LGSN: variants seen among roughly 807,000 people sequenced by gnomAD.
LGSN encodes lengsin, lens protein with glutamine synthetase domain, also known as lengsin.
A neutral mutation model predicts 19.5 loss-of-function variants in LGSN; 21 were observed. The observed-to-expected ratio is 1.07, with a 90% CI of 0.76 to 1.55. The LOEUF (loss-of-function observed/expected upper bound fraction) is 1.55. LGSN is among the 40% of genes most tolerant of loss of function. The pLI is 0.00. For synonymous variants in LGSN, 257 were observed against 215.6 expected (o/e 1.19, Z -1.68); for missense variants, 673 against 608.5 (o/e 1.11, Z -1.12).
the LGSN span, among the ~76,000 whole-genome samples, chr6:63,464,421 C>A: frequency 2.0e-5 from 3 of 151,750 alleles, no homozygotes; most frequent in East Asian, 1.9e-4. Flanking sequence ...TCAACTCATT[C>A]ATTCCTTCAA....
chr6:63,363,325 C>A, the LGSN span, among the ~76,000 whole-genome samples: 1 of 152,202 alleles, frequency 6.6e-6, no homozygotes, highest in Non-Finnish European at 1.5e-5. Flanking sequence ...TCACCAGCAA[C>A]AGAACAAAGC....
the LGSN span, among the ~76,000 whole-genome samples, chr6:63,362,168 T>C: frequency 6.6e-6 from 1 of 152,138 alleles, no homozygotes; most frequent in Non-Finnish European, 1.5e-5. Context: ...CAGTTAACTT[T>C]TTAAATATAT....
chr6:63,447,364 G>C, the LGSN span, among the ~76,000 whole-genome samples: 1 of 152,222 alleles, frequency 6.6e-6, no homozygotes, highest in Non-Finnish European at 1.5e-5. Flanking sequence ...GTTGCCAGAA[G>C]TCTGACTGCC....
the LGSN span, among the ~76,000 whole-genome samples, chr6:63,455,368 A>G: frequency 6.6e-6 from 1 of 152,234 alleles, no homozygotes; most frequent in African/African-American, 2.4e-5. Flanking sequence ...TTGTGATACA[A>G]AGAACAATGC....
intron 1 of LGSN, among the ~76,000 whole-genome samples, chr6:63,316,072 T>C (rs1485064939): frequency 1.3e-5 from 2 of 152,252 alleles, no homozygotes; most frequent in South Asian, 4.1e-4. Flanking sequence ...AGCACATTTG[T>C]GGGGAGATTA....
the LGSN span, among the ~76,000 whole-genome samples, chr6:63,505,847 A>T: frequency 1.3e-5 from 2 of 151,900 alleles, no homozygotes; most frequent in African/African-American, 4.8e-5. Context: ...TTTAGTCAAG[A>T]CAGGGTTTCA....
the LGSN span, among the ~76,000 whole-genome samples, chr6:63,481,329 C>G: frequency 6.7e-6 from 1 of 150,330 alleles, no homozygotes; most frequent in Non-Finnish European, 1.5e-5. Flanking sequence ...GCAACAAAAA[C>G]CACTTGTACC....
At chr6:63,326,728 C>G in the LGSN span, among the ~76,000 whole-genome samples, 450 of 152,254 alleles carry the variant, frequency 3.0e-3, 3 homozygotes, top group African/African-American at 0.01. Context: ...GGGCCAGCAG[C>G]GCCTGCCGGC....
Position 63,281,042 on chromosome 6 carries a change from C to T in LGSN, c.509G>A (p.Cys170Tyr), listed in dbSNP as rs761498192. 6 of 1,613,846 alleles carry T rather than the reference C, an allele frequency of 3.7e-6. No homozygotes were observed. The South Asian group carries it at 5.5e-5, about 15-fold the overall frequency. ...CTCACCAGTCACAGTGAAGGTATCA[C>T]ATATCACTCTTGCAGTTCTGTCAGC... ...PWADRTARVI[C>Y]DTFTVTGEPL... is the part of the protein sequence containing the mutation. The change falls in exon 4 of 4, where the codon TGT becomes TAT. Residue 170 changes from cysteine (C) to tyrosine (Y), a missense_variant. Transcript: ENST00000370657.
chr6:63,562,579 T>C, the LGSN span, among the ~76,000 whole-genome samples: 12 of 152,254 alleles, frequency 7.9e-5, no homozygotes, highest in African/African-American at 2.9e-4. Flanking sequence ...ATTTTTTAAC[T>C]AATTTCTATC....
At chr6:63,439,800 T>C in the LGSN span, among the ~76,000 whole-genome samples, 2 of 152,214 alleles carry the variant, frequency 1.3e-5, no homozygotes, top group Non-Finnish European at 2.9e-5. Context: ...TTGTCAAAGC[T>C]CTACTCTTCT....
At chr6:63,374,747 C>T in the LGSN span, among the ~76,000 whole-genome samples, 5 of 152,186 alleles carry the variant, frequency 3.3e-5, no homozygotes, top group Admixed American at 6.5e-5. Flanking sequence ...TCTTCCCCAG[C>T]TTCTAGAGGC....
At chr6:63,564,874 A>G in the LGSN span, among the ~76,000 whole-genome samples, 2 of 152,244 alleles carry the variant, frequency 1.3e-5, no homozygotes, top group Non-Finnish European at 2.9e-5. Context: ...AGATTCCTCC[A>G]GGTACCAGTA....
the LGSN span, among the ~76,000 whole-genome samples, chr6:63,555,340 A>G: frequency 6.6e-6 from 1 of 152,216 alleles, no homozygotes; most frequent in Admixed American, 6.5e-5. Context: ...AGAATATTTA[A>G]TAATTCAATA....
chr6:63,496,873 C>T, the LGSN span, among the ~76,000 whole-genome samples: 6 of 152,226 alleles, frequency 3.9e-5, 1 homozygote, highest in African/African-American at 1.4e-4. Context: ...GTCAAAAGCT[C>T]ATGCAGTTTT....
the LGSN span, among the ~76,000 whole-genome samples, chr6:63,497,925 T>TTTTTTTTTC: frequency 6.8e-6 from 1 of 146,392 alleles, no homozygotes; most frequent in Admixed American, 6.8e-5. Flanking sequence ...TTTCTTTTTT[T>TTTTTTTTTC]TTTTTTTCTT....
the LGSN span, among the ~76,000 whole-genome samples, chr6:63,509,167 C>T: frequency 2.6e-5 from 4 of 151,190 alleles, no homozygotes; most frequent in Admixed American, 1.3e-4. Context: ...TAGGTTCAAG[C>T]GATTCTTGAG....
the LGSN span, among the ~76,000 whole-genome samples, chr6:63,420,482 G>A: frequency 2.0e-5 from 3 of 152,128 alleles, no homozygotes; most frequent in African/African-American, 7.2e-5. Flanking sequence ...GGCTTTAACT[G>A]GCTACTCTAA....
chr6:63,439,538 A>T, the LGSN span, among the ~76,000 whole-genome samples: 11,235 of 152,056 alleles, frequency 0.074, 718 homozygotes, highest in African/African-American at 0.17. Flanking sequence ...AAATTTTTTT[A>T]AATTTCATGC....
Sources: gnomAD v4.1 joint callset for allele counts (sites outside exome capture counted in the v4.1 genomes callset) on GRCh38, gnomAD v4.1.1 for gene constraint, MANE v1.5 for transcripts, NCBI Gene and HGNC (gene_info 2026-07-23, HGNC 2026-07-21) for gene names.